PREP: variants seen among roughly 807,000 people sequenced by gnomAD.
PREP encodes the protein dJ355L5.1 (prolyl endopeptidase).
Under a neutral mutation model 87.6 loss-of-function variants are expected in PREP, and 29 were observed. That is an observed-to-expected ratio of 0.33 (90% CI 0.25 to 0.45). PREP has a LOEUF of 0.45. Among genes scored for constraint, PREP ranks in the 20% least tolerant of loss-of-function variants. The probability of loss-of-function intolerance (pLI) is 1.00; values close to 1 mark genes in which losing one functional copy is unlikely to be tolerated. For synonymous variants in PREP, 337 were observed against 328.6 expected (o/e 1.03, Z -0.28); for missense variants, 695 against 886.5 (o/e 0.78, Z 2.74).
chr6:105,285,457 CT>C, intron 12 of PREP, 28 bp downstream of exon 12: 3 of 1,578,382 alleles, frequency 1.9e-6, no homozygotes, highest in Non-Finnish European at 1.7e-6. Flanking sequence ...TTATGTCAGA[CT>C]TGTGTTTCTG....
intron 10 of PREP, among the ~76,000 whole-genome samples, chr6:105,297,303 T>A (rs1185103343): frequency 1.3e-5 from 2 of 152,202 alleles, no homozygotes; most frequent in African/African-American, 4.8e-5. Flanking sequence ...TCTCCCTGAC[T>A]CCTCTCATCG....
At chr6:105,377,357 A>G (rs1393728971) in intron 3 of PREP, 29 bp downstream of exon 3, 1 of 1,571,946 alleles carries the variant, frequency 6.4e-7, no homozygotes, top group Non-Finnish European at 8.6e-7. Flanking sequence ...TTTGAAAATA[A>G]AAAGGAAATT....
rs541092726 is a variant in PREP, at chr6:105,361,248, A to T, written c.717+7655T>A. Among the ~76,000 whole-genome samples, 60 of 152,290 alleles carry T rather than the reference A, an allele frequency of 3.9e-4. No homozygotes were observed. The Middle Eastern group carries it at 0.037, about 95-fold the overall frequency. On this transcript the variant is annotated intron_variant, in intron 6 of 14. Transcript: ENST00000652536. ...ACTCTCAATAATTTAACTATGTATG[A>T]AGTAATTTGTCCTTAAAAACAACAG...
At chr6:105,343,230 A>G (rs1338892699) in intron 7 of PREP, among the ~76,000 whole-genome samples, 3 of 152,216 alleles carry the variant, frequency 2.0e-5, no homozygotes, top group Non-Finnish European at 1.5e-5. Flanking sequence ...CCACACATCT[A>G]CATCCATCTG....
intron 2 of PREP, among the ~76,000 whole-genome samples, chr6:105,392,734 G>T (rs1773187611): frequency 6.6e-6 from 1 of 152,180 alleles, no homozygotes; most frequent in Admixed American, 6.5e-5. Context: ...GTGCCGCCAT[G>T]CACGGCTAAT....
At chr6:105,340,590 G>A (rs953573660) in intron 7 of PREP, among the ~76,000 whole-genome samples, 1 of 152,166 alleles carries the variant, frequency 6.6e-6, no homozygotes, top group African/African-American at 2.4e-5. Context: ...AAAAGACACA[G>A]ATTGGCAAAT....
chr6:105,384,328 G>T (rs1017524549), intron 2 of PREP, among the ~76,000 whole-genome samples: 1 of 152,198 alleles, frequency 6.6e-6, no homozygotes, highest in Non-Finnish European at 1.5e-5. Flanking sequence ...CTCATGCTTG[G>T]TTATGCCAGG....
intron 10 of PREP, among the ~76,000 whole-genome samples, chr6:105,295,485 C>A (rs1243242857): frequency 6.6e-6 from 1 of 152,068 alleles, no homozygotes; most frequent in Non-Finnish European, 1.5e-5. Flanking sequence ...GCTACATCTC[C>A]ATCTTCCTAA....
At chr6:105,371,436 G>A (rs1348923634) in intron 5 of PREP, among the ~76,000 whole-genome samples, 1 of 143,726 alleles carries the variant, frequency 7.0e-6, no homozygotes, top group Non-Finnish European at 1.5e-5. Flanking sequence ...GGGAGGTACA[G>A]GTTGCAGTGA....
intron 10 of PREP, chr6:105,298,927 TCTC>T (rs2114624610): frequency 1.3e-5 from 2 of 152,280 alleles, no homozygotes; most frequent in African/African-American, 4.8e-5. Flanking sequence ...TACTTAAAAT[TCTC>T]CTTCAAAAAA....
intron 2 of PREP, among the ~76,000 whole-genome samples, chr6:105,382,394 C>T (rs963833363): frequency 1.3e-5 from 2 of 151,504 alleles, no homozygotes; most frequent in South Asian, 2.1e-4. Flanking sequence ...AAATGACGTG[C>T]TACACACCTA....
chr6:105,290,349 C>T (rs748579192), intron 10 of PREP, among the ~76,000 whole-genome samples: 1 of 152,140 alleles, frequency 6.6e-6, no homozygotes, highest in Non-Finnish European at 1.5e-5. Context: ...GCACTATACC[C>T]GCAGAGGCAA....
Position 105,282,717 on chromosome 6 carries a change from A to G in PREP, c.1550-135T>C, listed in dbSNP as rs181957012. 269 of 989,680 alleles carry G rather than the reference A, an allele frequency of 2.7e-4. No individual in the cohort carries two copies. In the African/African-American group the frequency reaches 4.0e-3, roughly 15 times the overall value. The allele number at this position is 989,680 out of a possible 1,614,324, so 61.3% of individuals were successfully genotyped here. On this transcript the variant is annotated intron_variant, in intron 12 of 14. Transcript: ENST00000652536. The stretch of plus-strand genomic sequence containing the variant: ...AACCATGGGTTAACACTGCATTTAA[A>G]AAAAAGCCTCAATTTAAGTTCTGTT...
rs140688100 is a variant in PREP at position 105,293,419 on chromosome 6, C to T, written c.1318-4525G>A. The stretch of plus-strand genomic sequence containing the variant: ...GTGGTCTTATACCACAAAACAATTA[C>T]AATAGTAACATTGAAGATCACTGAT... On this transcript the variant is annotated intron_variant, in intron 10 of 14. Transcript: ENST00000652536. Among the ~76,000 whole-genome samples the T allele has an allele frequency of 5.3e-5, 8 of 152,148 alleles. No homozygotes were observed. In the East Asian group the frequency reaches 1.5e-3, roughly 29 times the overall value.
rs146276553 is a variant in PREP at position 105,278,194 on chromosome 6, C to A, written c.2083G>T (p.Asp695Tyr). The change falls in exon 15 of 15, where the codon GAC becomes TAC. Residue 695 changes from aspartate to tyrosine, a missense_variant. Coordinates refer to ENST00000652536, the MANE Select transcript of PREP (RefSeq NM_002726.5). The surrounding 1 kb of genome is among the most constrained non-coding windows in gnomAD (Gnocchi z 4.2). ...CACCGCGCGATGAACGCAAACATGT[C>A]TGAGACTTCCTCTATCACTTTGGCT... Reference protein sequence around the residue: ...PTAKVIEEVSDMFAFIARCLN... With the variant: ...PTAKVIEEVSYMFAFIARCLN... 2.7e-5 allele frequency: 44 copies of A among 1,614,094 alleles called. No individual in the cohort carries two copies. Among genetic ancestry groups the A allele is most frequent in the Non-Finnish European group, 3.6e-5 (43 of 1,180,032 alleles).
chr6:105,285,711 TC>T (rs140238707), intron 11 of PREP, 131 bp from the exon 12 acceptor site: 23,359 of 672,558 alleles, frequency 0.035, 616 homozygotes, highest in African/African-American at 0.096. Flanking sequence ...GCTTGACATT[TC>T]TTTTATTGCT....
chr6:105,385,391 A>C (rs1772966295), intron 2 of PREP, among the ~76,000 whole-genome samples: 1 of 152,078 alleles, frequency 6.6e-6, no homozygotes, highest in African/African-American at 2.4e-5. Context: ...TTATAAACAA[A>C]TATAACCACG....
intron 8 of PREP, among the ~76,000 whole-genome samples, chr6:105,330,079 A>G (rs1410439321): frequency 6.6e-6 from 1 of 152,236 alleles, no homozygotes; most frequent in Non-Finnish European, 1.5e-5. Flanking sequence ...TCCGTTTTCA[A>G]GAGGAAGTGT....
intron 4 of PREP, 66 bp from the exon 5 acceptor site, chr6:105,373,644 A>G: frequency 2.8e-6 from 4 of 1,418,222 alleles, no homozygotes; most frequent in Non-Finnish European, 3.9e-6. Context: ...CCTTTATGCC[A>G]TCTAACAAAG....
Sources: allele counts gnomAD v4.1 joint callset (sites outside exome capture counted in the v4.1 genomes callset), GRCh38; gene constraint gnomAD v4.1.1; non-coding constraint Gnocchi (gnomAD v3.1); transcripts MANE v1.5; gene names NCBI Gene and HGNC (gene_info 2026-07-23, HGNC 2026-07-21).